Variants in TBCA observed in about 807,000 individuals in gnomAD.
TBCA encodes tubulin folding cofactor A.
In TBCA, 6 loss-of-function variants were observed where a neutral mutation model predicts 15.8. The ratio of observed to expected loss-of-function variants is 0.38; its 90% CI spans 0.21 to 0.75. The LOEUF is 0.75. TBCA is among the 30% of genes least tolerant of loss of function. The probability of loss-of-function intolerance (pLI) is 0.46; values close to 1 mark genes in which losing one functional copy is unlikely to be tolerated. For missense variants in TBCA, 90 were observed against 131.2 expected, an observed-to-expected ratio of 0.69 and a Z score of 1.53; for synonymous variants, 32 against 42.3, an observed-to-expected ratio of 0.76 and a Z score of 0.94.
At chr5:77,758,598 C>T (rs1043906552) in intron 1 of TBCA, among the ~76,000 whole-genome samples, 1 of 152,182 alleles carries the variant, frequency 6.6e-6, no homozygotes, top group African/African-American at 2.4e-5. Context: ...AGGTTTTGTC[C>T]ACGGCTCGTC....
At chr5:77,723,762 T>C (rs764404009) in intron 1 of TBCA, among the ~76,000 whole-genome samples, 1 of 152,046 alleles carries the variant, frequency 6.6e-6, no homozygotes. Context: ...TAAGACAATG[T>C]AGTAATAGAT....
At chr5:77,709,660 C>T (rs1013257014) in intron 1 of TBCA, among the ~76,000 whole-genome samples, 2 of 151,958 alleles carry the variant, frequency 1.3e-5, no homozygotes, top group Admixed American at 1.3e-4. Flanking sequence ...AACCATATGT[C>T]CTGACAATTC....
chr5:77,735,661 G>A (rs352579), intron 1 of TBCA, among the ~76,000 whole-genome samples: 57,874 of 151,754 alleles, frequency 0.38, 11,068 homozygotes, highest in South Asian at 0.41. Context: ...TTAGATATTC[G>A]TTTCTATCAA....
At chr5:77,695,697 G>T (rs1453290713) in intron 2 of TBCA, among the ~76,000 whole-genome samples, 1 of 152,178 alleles carries the variant, frequency 6.6e-6, no homozygotes, top group East Asian at 1.9e-4. Flanking sequence ...TTTCCCTTGG[G>T]AGGTAGTAGT....
intron 2 of TBCA, 72 bp downstream of exon 2, chr5:77,708,170 A>G: frequency 1.0e-6 from 1 of 969,320 alleles, no homozygotes; most frequent in Non-Finnish European, 1.6e-6. Context: ...TCAGAGGACT[A>G]CTGTAAAAAC....
chr5:77,696,275 C>G (rs183002157), intron 2 of TBCA, among the ~76,000 whole-genome samples: 1 of 152,260 alleles, frequency 6.6e-6, no homozygotes. Flanking sequence ...AGGTTGAGCT[C>G]TAGAGTAATC....
intron 1 of TBCA, among the ~76,000 whole-genome samples, chr5:77,715,873 C>T (rs1489554866): frequency 1.3e-5 from 2 of 152,168 alleles, no homozygotes; most frequent in East Asian, 3.8e-4. Flanking sequence ...TTTGGAGCCT[C>T]TAGTATAATT....
rs546535523 is a variant in TBCA at position 77,776,059 on chromosome 5, C to T, written c.53+146G>A. 48 of 965,672 alleles carry T rather than the reference C, an allele frequency of 5.0e-5. No homozygotes were observed. In the Admixed American group the frequency reaches 9.4e-4, roughly 19 times the overall value. The allele number at this position is 965,672 out of a possible 1,614,324, so 59.8% of individuals were successfully genotyped here. On this transcript the variant is annotated intron_variant, in intron 1 of 3. Transcript: ENST00000380377. ...GTCAGCGCGCCCCGCTGGGTCCCTG[C>T]CAGTCCCAGCCAACTGCGGAGCCCC...
chr5:77,733,094 A>G lies in TBCA; in HGVS notation c.54-24747T>C, dbSNP rs190910921. Among the ~76,000 whole-genome samples the G allele has an allele frequency of 3.8e-3, 586 of 152,342 alleles. 4 individuals carry two copies. The highest frequency in any genetic ancestry group is 0.012 in the African/African-American group (495 of 41,582). ...TCAGGAGTTTGAGACCAGCCTGGCC[A>G]ACATGGCGAAACCCCGTCTCTACTA... On this transcript the variant is annotated intron_variant, in intron 1 of 3. Coordinates refer to ENST00000380377, the MANE Select transcript of TBCA (RefSeq NM_004607.3).
chr5:77,735,523 A>T (rs1252597402), intron 1 of TBCA, among the ~76,000 whole-genome samples: 1 of 152,156 alleles, frequency 6.6e-6, no homozygotes, highest in Non-Finnish European at 1.5e-5. Context: ...CACCATGTCA[A>T]ACATGACCCC....
chr5:77,728,388 A>C (rs1746678294), intron 1 of TBCA, among the ~76,000 whole-genome samples: 1 of 152,184 alleles, frequency 6.6e-6, no homozygotes, highest in Admixed American at 6.5e-5. Context: ...GATTCTATAA[A>C]TTTGGTTTCT....
chr5:77,758,717 GCA>G (rs113482742), intron 1 of TBCA, among the ~76,000 whole-genome samples: 10,788 of 152,180 alleles, frequency 0.071, 526 homozygotes, highest in African/African-American at 0.14. Context: ...AGGTGAGCAT[GCA>G]CAGTGTGTTT....
At chr5:77,739,666 TAAG>T (rs1282858790) in intron 1 of TBCA, among the ~76,000 whole-genome samples, 4 of 152,284 alleles carry the variant, frequency 2.6e-5, no homozygotes, top group Admixed American at 6.5e-5. Context: ...TTAACAAGAA[TAAG>T]AAGTGGACAC....
intron 1 of TBCA, among the ~76,000 whole-genome samples, chr5:77,760,683 G>A (rs1370422754): frequency 1.3e-5 from 2 of 152,174 alleles, no homozygotes; most frequent in African/African-American, 4.8e-5. Flanking sequence ...TCGGGCTCCC[G>A]AGGTGCTGGG....
At chr5:77,774,454 C>A (rs1747977115) in intron 1 of TBCA, among the ~76,000 whole-genome samples, 1 of 152,044 alleles carries the variant, frequency 6.6e-6, no homozygotes, top group Non-Finnish European at 1.5e-5. Flanking sequence ...GCTTCATCTG[C>A]CTAATAAGAA....
chr5:77,695,510 T>A (rs1437756916), intron 2 of TBCA, among the ~76,000 whole-genome samples: 1 of 152,094 alleles, frequency 6.6e-6, no homozygotes, highest in African/African-American at 2.4e-5. Context: ...TGGCTATGAT[T>A]TGGAATCCAC....
rs911398087 is a variant in TBCA at position 77,691,221 on chromosome 5, G to C, written c.*197C>G. On this transcript the variant is annotated 3_prime_UTR_variant, in exon 4 of 4. Transcript: ENST00000380377. Reference sequence around the variant, plus strand: ...GATAAAAGGTTAATTTAAAAATTTTGTAAAGTATAAAATAAACAATTTTAT... The same window carrying C: ...GATAAAAGGTTAATTTAAAAATTTTCTAAAGTATAAAATAAACAATTTTAT... 7.5e-6 allele frequency: 4 copies of C among 536,108 alleles called. No homozygotes were observed. The highest frequency in any genetic ancestry group is 1.3e-5 in the Non-Finnish European group (4 of 309,066). The allele number at this position is 536,108 out of a possible 1,614,324, so 33.2% of individuals were successfully genotyped here. A position where few individuals can be genotyped will look rare whatever the true frequency, so the allele number is the denominator to read the frequency against.
intron 1 of TBCA, among the ~76,000 whole-genome samples, chr5:77,712,794 G>T (rs769244501): frequency 1.3e-5 from 2 of 152,044 alleles, no homozygotes; most frequent in Non-Finnish European, 2.9e-5. Context: ...ATATTAATGT[G>T]TATGATTGTA....
At chr5:77,719,028 T>C (rs569091412) in intron 1 of TBCA, among the ~76,000 whole-genome samples, 71 of 152,282 alleles carry the variant, frequency 4.7e-4, no homozygotes, top group African/African-American at 1.5e-3. Context: ...CAATTAAAAA[T>C]AAATCCCCCA....
Sources: allele counts gnomAD v4.1 joint callset (sites outside exome capture counted in the v4.1 genomes callset), GRCh38; gene constraint gnomAD v4.1.1; transcripts MANE v1.5; gene names NCBI Gene and HGNC (gene_info 2026-07-23, HGNC 2026-07-21).